The following WNK3 variants were observed in gnomAD, a reference collection of about 807,000 sequenced individuals.
WNK3 encodes the protein serine/threonine-protein kinase WNK3.
A neutral mutation model predicts 116.7 loss-of-function variants in WNK3; 18 were observed. The observed-to-expected ratio is 0.15, with a 90% CI of 0.11 to 0.23. The LOEUF is 0.23. Ranked by LOEUF, WNK3 falls within the 10% of genes least tolerant of loss-of-function variation. The probability of loss-of-function intolerance (pLI) is 1.00; values close to 1 mark genes in which losing one functional copy is unlikely to be tolerated. For synonymous variants in WNK3, 404 were observed against 469.4 expected (o/e 0.86, Z 1.80); for missense variants, 993 against 1,323.8 (o/e 0.75, Z 3.88).
At chrX:54,197,270 G>A (rs2067452390) in exon 24 of WNK3, 1 of 112,295 alleles carries the variant, frequency 8.9e-6, no homozygotes, top group South Asian at 3.8e-4. Flanking sequence ...TAGTATGCAT[G>A]TGAGAAACAA....
intron 22 of WNK3, among the ~76,000 whole-genome samples, chrX:54,217,621 T>C (rs1012762487): frequency 9.1e-6 from 1 of 109,440 alleles, no homozygotes; most frequent in African/African-American, 3.3e-5. Context: ...GCTTGGTCTC[T>C]TAAAAAAAAA....
chrX:54,294,878 T>C (rs1557165959), intron 7 of WNK3, 31 bp from the exon 8 acceptor site: 1 of 1,103,474 alleles, frequency 9.1e-7, no homozygotes, highest in African/African-American at 1.9e-5. Flanking sequence ...GCAAACTACT[T>C]CTTTAACATT....
chrX:54,337,581 T>TAAATAAATAAATAAAA (rs1557175645), intron 1 of WNK3, among the ~76,000 whole-genome samples: 1 of 102,001 alleles, frequency 9.8e-6, no homozygotes, highest in Non-Finnish European at 2.0e-5. Flanking sequence ...AATAAATAAA[T>TAAATAAATAAATAAAA]AAATAAATAA....
At chrX:54,217,654 T>G (rs1226472129) in intron 22 of WNK3, among the ~76,000 whole-genome samples, 1 of 110,261 alleles carries the variant, frequency 9.1e-6, no homozygotes, top group Admixed American at 9.8e-5. Flanking sequence ...TGTTGTGGCA[T>G]GCACCTATTA....
At chrX:54,215,221 C>T (rs1403147419) in intron 22 of WNK3, among the ~76,000 whole-genome samples, 5 of 110,341 alleles carry the variant, frequency 4.5e-5, no homozygotes, top group African/African-American at 1.3e-4. Context: ...CCTCTTTGCA[C>T]GGTCTCCCTC....
At chrX:54,238,094 G>A (rs1557150638) in intron 19 of WNK3, among the ~76,000 whole-genome samples, 1 of 110,300 alleles carries the variant, frequency 9.1e-6, no homozygotes, top group Non-Finnish European at 1.9e-5. Flanking sequence ...TTAGCCGGGT[G>A]TGGTGGCGCG....
At chrX:54,223,011 C>T (rs1157771824) in intron 22 of WNK3, among the ~76,000 whole-genome samples, 3 of 99,068 alleles carry the variant, frequency 3.0e-5, no homozygotes, top group Non-Finnish European at 4.0e-5. Flanking sequence ...GGCAGGAATA[C>T]GGAGAGTCAG....
At chrX:54,249,701 G>T in intron 16 of WNK3, 67 bp from the exon 17 acceptor site, 1 of 1,017,395 alleles carries the variant, frequency 9.8e-7, no homozygotes, top group Non-Finnish European at 1.3e-6. Flanking sequence ...AGTACCCTAA[G>T]TCAAAAGGAA....
chrX:54,216,560 A>G (rs1345205570), intron 22 of WNK3, among the ~76,000 whole-genome samples: 2 of 111,298 alleles, frequency 1.8e-5, no homozygotes, highest in African/African-American at 3.3e-5. Flanking sequence ...CTAGATGACC[A>G]TAAGAAACTT....
rs782363111 is a variant in WNK3, at chrX:54,343,808, C to T, written c.-119-10016G>A. ...TTTTGAGTAGCTGGGACTACAGGCACGTGCCACCAAACTCCTAATTTTTAA... is the reference window on the plus strand; with the variant it reads ...TTTTGAGTAGCTGGGACTACAGGCATGTGCCACCAAACTCCTAATTTTTAA... On this transcript the variant is annotated intron_variant, in intron 1 of 23. Coordinates refer to ENST00000354646, the Ensembl canonical transcript of WNK3. Among the ~76,000 whole-genome samples the T allele has an allele frequency of 2.6e-4, 28 of 109,391 alleles. 1 individual carries two copies. The highest frequency in any genetic ancestry group is 4.7e-4 in the Non-Finnish European group (25 of 52,707). 95.0% of individuals were successfully genotyped at this position (109,391 alleles called of 115,157 possible).
Position 54,221,186 on chromosome X carries a change from A to G in WNK3, c.4870+7528T>C, listed in dbSNP as rs781967256. On this transcript the variant is annotated intron_variant, in intron 22 of 23. Coordinates refer to ENST00000354646, the Ensembl canonical transcript of WNK3. ...TGGAAATTCATTGCTAGCTGACCTA[A>G]CTTACAAGAAATATTAAAGTGAGTC... Among the ~76,000 whole-genome samples the G allele has an allele frequency of 2.3e-3, 259 of 112,283 alleles. 2 individuals carry two copies. Among genetic ancestry groups the G allele is most frequent in the Non-Finnish European group, 4.4e-3 (236 of 53,276 alleles).
intron 22 of WNK3, among the ~76,000 whole-genome samples, chrX:54,208,373 C>T (rs933531740): frequency 6.3e-5 from 7 of 110,404 alleles, no homozygotes; most frequent in Non-Finnish European, 1.3e-4. Context: ...ATCCACCCGC[C>T]TCGGCCTCCC....
chrX:54,304,308 T>C (rs1050401716), intron 5 of WNK3, among the ~76,000 whole-genome samples: 1 of 110,130 alleles, frequency 9.1e-6, no homozygotes. Context: ...GGTGGGTGGA[T>C]TGCGTGAGCC....
intron 10 of WNK3, among the ~76,000 whole-genome samples, chrX:54,272,445 G>T: frequency 1.1e-5 from 1 of 94,803 alleles, no homozygotes; most frequent in East Asian, 3.2e-4. Context: ...TATCTCAAAA[G>T]AAAAAAAAAA....
chrX:54,199,621 G>C (rs1468748291), intron 23 of WNK3, among the ~76,000 whole-genome samples: 1 of 111,687 alleles, frequency 9.0e-6, no homozygotes, highest in Non-Finnish European at 1.9e-5. Context: ...ATCAGCTGAG[G>C]TCAGGAGTTC....
At chrX:54,301,931 CATT>C in intron 5 of WNK3, 72 bp from the exon 6 acceptor site, 1 of 763,167 alleles carries the variant, frequency 1.3e-6, no homozygotes, top group Non-Finnish European at 2.0e-6. Context: ...ATTTATTAAA[CATT>C]ATTTTTATCA....
intron 22 of WNK3, among the ~76,000 whole-genome samples, chrX:54,225,892 C>T (rs1482028459): frequency 5.5e-5 from 6 of 109,374 alleles, no homozygotes; most frequent in African/African-American, 2.0e-4. Flanking sequence ...AATTTCAAAA[C>T]ACATGATAAA....
exon 17 of WNK3, chrX:54,248,898 T>G: frequency 8.3e-7 from 1 of 1,211,747 alleles, no homozygotes; most frequent in African/African-American, 1.7e-5. Context: ...AGAGGGTATC[T>G]TCAGCAGAGG....
intron 9 of WNK3, 33 bp downstream of exon 9, chrX:54,293,101 T>TA: frequency 1.7e-6 from 2 of 1,181,680 alleles, no homozygotes; most frequent in Non-Finnish European, 2.3e-6. Context: ...AATACACTGA[T>TA]TATATATTTA....
Sources: gnomAD v4.1 joint callset for allele counts (sites outside exome capture counted in the v4.1 genomes callset) on GRCh38, gnomAD v4.1.1 for gene constraint, MANE v1.5 for transcripts, NCBI Gene and HGNC (gene_info 2026-07-23, HGNC 2026-07-21) for gene names.